KCNH1: variants seen among roughly 807,000 people sequenced by gnomAD.
KCNH1 encodes the protein potassium voltage-gated channel subfamily H member 1, also known as voltage-gated delayed rectifier potassium channel KCNH1.
A neutral mutation model predicts 69.2 loss-of-function variants in KCNH1; 27 were observed. That is an observed-to-expected ratio of 0.39 (90% CI 0.29 to 0.54). The LOEUF (loss-of-function observed/expected upper bound fraction) is 0.54, where lower values mean the gene tolerates loss of function less well. KCNH1 is among the 20% of genes least tolerant of loss of function. The probability of loss-of-function intolerance (pLI) is 0.68; values close to 1 mark genes in which losing one functional copy is unlikely to be tolerated. For missense variants in KCNH1, 798 were observed against 1,261.6 expected (o/e 0.63, Z 5.57); for synonymous variants, 456 against 487.7 (o/e 0.93, Z 0.86).
intron 7 of KCNH1, among the ~76,000 whole-genome samples, chr1:210,855,277 C>A (rs1003531710): frequency 5.3e-5 from 8 of 152,192 alleles, no homozygotes; most frequent in African/African-American, 1.9e-4. Context: ...CTCTCTCACA[C>A]AATTTTCTAA....
Position 211,041,097 on chromosome 1 carries a change from T to C in KCNH1, c.559-21841A>G, listed in dbSNP as rs1329950255. On this transcript the variant is annotated intron_variant, in intron 5 of 10. Coordinates refer to ENST00000271751, the MANE Select transcript of KCNH1 (RefSeq NM_172362.3). ...ACAGCTCTTTTGCTATTTCCCTTTA[T>C]AGCCAGATTTTTTGAAAGGGAAGTC... Among the ~76,000 whole-genome samples, 4 of 152,228 alleles carry C rather than the reference T, an allele frequency of 2.6e-5. No individual in the cohort carries two copies. In the East Asian group the frequency reaches 5.8e-4, roughly 22 times the overall value.
At position 210,832,831 on chromosome 1, in the gene KCNH1, T is replaced by A. The variant is rs569729762; in HGVS notation, c.1463-28665A>T. Reference sequence around the variant, plus strand: ...TGAAATGTCTTATATATTATACAATTAATCATATATCAGCAAATTACAATG... The same window carrying A: ...TGAAATGTCTTATATATTATACAATAAATCATATATCAGCAAATTACAATG... On this transcript the variant is annotated intron_variant, in intron 7 of 10. Transcript: ENST00000271751. 3.3e-5 allele frequency among the ~76,000 whole-genome samples: 5 copies of A among 151,074 alleles called. No individual in the cohort carries two copies. The South Asian group carries it at 1.0e-3, about 32-fold the overall frequency.
At chr1:210,867,536 A>AT (rs1245051182) in intron 7 of KCNH1, among the ~76,000 whole-genome samples, 1 of 151,976 alleles carries the variant, frequency 6.6e-6, no homozygotes, top group African/African-American at 2.4e-5. Flanking sequence ...TTATTGAGGT[A>AT]TAATTTACAT....
At chr1:211,056,412 G>A (rs566954539) in intron 5 of KCNH1, among the ~76,000 whole-genome samples, 4 of 152,214 alleles carry the variant, frequency 2.6e-5, no homozygotes, top group South Asian at 4.1e-4. Context: ...TCATGACTCC[G>A]GGCCCTGGCT....
rs987359826 is a variant in KCNH1, at chr1:211,092,193, G to A, written c.311-1503C>T. 3.9e-5 allele frequency among the ~76,000 whole-genome samples: 6 copies of A among 152,232 alleles called. No individual in the cohort carries two copies. In the East Asian group the frequency reaches 1.2e-3, roughly 29 times the overall value. ...AGAGCAGAAAACTCACTGAATCTTG[G>A]AGACGAAAATAGATCCTCAAGAGGT... On this transcript the variant is annotated intron_variant, in intron 3 of 10. Coordinates refer to ENST00000271751, the MANE Select transcript of KCNH1 (RefSeq NM_172362.3).
intron 10 of KCNH1, among the ~76,000 whole-genome samples, chr1:210,737,592 C>T (rs1682912052): frequency 6.6e-6 from 1 of 152,170 alleles, no homozygotes; most frequent in Admixed American, 6.5e-5. Context: ...GCCCAGAACT[C>T]CCCTTTGATC....
chr1:210,854,681 G>C (rs1465786920), intron 7 of KCNH1, among the ~76,000 whole-genome samples: 2 of 152,198 alleles, frequency 1.3e-5, no homozygotes, highest in African/African-American at 4.8e-5. Context: ...TGGTTACAGG[G>C]ACCACCTGAG....
At chr1:210,843,427 C>T (rs566044645) in intron 7 of KCNH1, among the ~76,000 whole-genome samples, 3 of 152,162 alleles carry the variant, frequency 2.0e-5, no homozygotes, top group Non-Finnish European at 2.9e-5. Context: ...GGCTATTTGA[C>T]AAATGTTTGC....
At chr1:211,066,100 C>T (rs1002127037) in intron 5 of KCNH1, among the ~76,000 whole-genome samples, 6 of 151,988 alleles carry the variant, frequency 3.9e-5, no homozygotes, top group African/African-American at 1.5e-4. Context: ...TACACAAATG[C>T]TTATAACGAA....
At chr1:210,710,807 C>T (rs747752498) in intron 10 of KCNH1, among the ~76,000 whole-genome samples, 6 of 152,064 alleles carry the variant, frequency 3.9e-5, no homozygotes, top group Non-Finnish European at 5.9e-5. Context: ...ATTCAACAGT[C>T]GCAACCTTGT....
At chr1:210,732,262 C>T (rs561297710) in intron 10 of KCNH1, among the ~76,000 whole-genome samples, 4 of 151,916 alleles carry the variant, frequency 2.6e-5, no homozygotes, top group African/African-American at 9.7e-5. Flanking sequence ...ACCACCAGCT[C>T]GGGCATCAAC....
At chr1:210,899,354 A>G (rs1686943428) in intron 7 of KCNH1, among the ~76,000 whole-genome samples, 1 of 152,182 alleles carries the variant, frequency 6.6e-6, no homozygotes, top group African/African-American at 2.4e-5. Context: ...CACTCTTGAC[A>G]CAAAATTATT....
rs190967522 is a variant in KCNH1, at chr1:210,851,433, C to T, written c.1463-47267G>A. On this transcript the variant is annotated intron_variant, in intron 7 of 10. Transcript: ENST00000271751. ...GTGAAGCAACACTGGATTTGAGAGTCAGGAACTAGATTAGTGTCATACCTC... is the reference window on the plus strand; with the variant it reads ...GTGAAGCAACACTGGATTTGAGAGTTAGGAACTAGATTAGTGTCATACCTC... Among the ~76,000 whole-genome samples, 294 of 152,328 alleles carry T rather than the reference C, an allele frequency of 1.9e-3. 1 individual carries two copies. The highest frequency in any genetic ancestry group is 5.7e-3 in the African/African-American group (238 of 41,574).
chr1:211,016,131 A>G (rs1689485869), intron 6 of KCNH1, among the ~76,000 whole-genome samples: 1 of 152,170 alleles, frequency 6.6e-6, no homozygotes, highest in African/African-American at 2.4e-5. Flanking sequence ...ATGGCAAAGG[A>G]GTTCCAACCC....
At chr1:210,733,943 TCTGTCTCACACACA>T (rs1682805498) in intron 10 of KCNH1, among the ~76,000 whole-genome samples, 3 of 83,396 alleles carry the variant, frequency 3.6e-5, no homozygotes, top group South Asian at 1.1e-3. Flanking sequence ...AGTATGTCTG[TCTGTCTCACACACA>T]CACACACACA....
intron 6 of KCNH1, among the ~76,000 whole-genome samples, chr1:210,953,692 A>G (rs759719976): frequency 4.6e-5 from 7 of 152,150 alleles, no homozygotes; most frequent in Non-Finnish European, 8.8e-5. Context: ...CCTGGCAGGA[A>G]ATCCTCCAGT....
At chr1:210,684,183 G>A (rs1681354277) in intron 10 of KCNH1, 45 bp from the exon 11 acceptor site, 1 of 1,476,634 alleles carries the variant, frequency 6.8e-7, no homozygotes. Flanking sequence ...TTAGCCACAT[G>A]CTGGCTGCAG....
chr1:210,981,371 A>AC (rs1477657267), intron 6 of KCNH1, among the ~76,000 whole-genome samples: 1 of 114,590 alleles, frequency 8.7e-6, no homozygotes, highest in African/African-American at 3.0e-5. Flanking sequence ...AGTAACAACG[A>AC]CAAAAAAAAA....
intron 7 of KCNH1, among the ~76,000 whole-genome samples, chr1:210,821,595 C>T (rs1041778715): frequency 6.6e-6 from 1 of 151,896 alleles, no homozygotes; most frequent in African/African-American, 2.4e-5. Context: ...CACAGGAGAG[C>T]CAGGAGGAGT....
Sources: gnomAD v4.1 joint callset for allele counts (sites outside exome capture counted in the v4.1 genomes callset) on GRCh38, gnomAD v4.1.1 for gene constraint, MANE v1.5 for transcripts, NCBI Gene and HGNC (gene_info 2026-07-23, HGNC 2026-07-21) for gene names.